The following CCDC88C variants were observed in gnomAD, a reference collection of about 807,000 sequenced individuals.
CCDC88C encodes the protein coiled-coil and HOOK domain protein 88C.
A neutral mutation model predicts 198.8 loss-of-function variants in CCDC88C; 131 were observed. The ratio of observed to expected loss-of-function variants is 0.66; its 90% CI spans 0.57 to 0.76. The LOEUF (loss-of-function observed/expected upper bound fraction) is 0.76, where lower values mean the gene tolerates loss of function less well. Among genes scored for constraint, CCDC88C ranks in the 30% least tolerant of loss-of-function variants. CCDC88C has a pLI of 0.00. For missense variants in CCDC88C, 2,553 were observed against 2,631.6 expected (o/e 0.97, Z 0.65); for synonymous variants, 1,166 against 1,114.7 (o/e 1.05, Z -0.92).
chr14:91,372,387 G>T (rs1470077310), intron 3 of CCDC88C, among the ~76,000 whole-genome samples: 1 of 151,914 alleles, frequency 6.6e-6, no homozygotes, highest in African/African-American at 2.4e-5. Context: ...CACCCTAACA[G>T]AGGGATGGCA....
chr14:91,390,724 C>T (rs1567117241), intron 3 of CCDC88C, among the ~76,000 whole-genome samples: 1 of 152,150 alleles, frequency 6.6e-6, no homozygotes. Context: ...TTCCCAGAGC[C>T]TAAGGGAGTT....
At chr14:91,410,446 A>G (rs950987686) in intron 2 of CCDC88C, among the ~76,000 whole-genome samples, 3 of 151,544 alleles carry the variant, frequency 2.0e-5, no homozygotes, top group Admixed American at 6.6e-5. Flanking sequence ...TTGACAAAGG[A>G]AAAAAAAACC....
At chr14:91,333,735 G>T (rs1180511964) in intron 10 of CCDC88C, among the ~76,000 whole-genome samples, 1 of 152,176 alleles carries the variant, frequency 6.6e-6, no homozygotes, top group Non-Finnish European at 1.5e-5. Flanking sequence ...GATTTCTAGG[G>T]CCTGCCCTTA....
chr14:91,321,860 A>G (rs1049654582), intron 12 of CCDC88C, among the ~76,000 whole-genome samples: 32 of 152,214 alleles, frequency 2.1e-4, no homozygotes, highest in African/African-American at 7.2e-4. Flanking sequence ...AAACTGTGAT[A>G]GTGTATGCAA....
At chr14:91,377,738 G>A (rs1355519524) in intron 3 of CCDC88C, among the ~76,000 whole-genome samples, 1 of 152,244 alleles carries the variant, frequency 6.6e-6, no homozygotes, top group Non-Finnish European at 1.5e-5. Context: ...TTTCTCAGGA[G>A]ACAGGCAGCC....
At chr14:91,280,533 G>C (rs930092498) in intron 27 of CCDC88C, among the ~76,000 whole-genome samples, 1 of 152,186 alleles carries the variant, frequency 6.6e-6, no homozygotes, top group African/African-American at 2.4e-5. Flanking sequence ...CCGTGATAGC[G>C]ATCAACGGCC....
chr14:91,398,039 G>A (rs1339689429), intron 3 of CCDC88C, among the ~76,000 whole-genome samples: 2 of 152,064 alleles, frequency 1.3e-5, no homozygotes, highest in African/African-American at 2.4e-5. Flanking sequence ...TTATAATACC[G>A]AAGTAACAGT....
chr14:91,334,138 A>G (rs529412940), intron 10 of CCDC88C, among the ~76,000 whole-genome samples: 1 of 152,350 alleles, frequency 6.6e-6, no homozygotes, highest in South Asian at 2.1e-4. Context: ...CCATCAATCT[A>G]TCCATCTCTC....
At chr14:91,310,021 T>C in intron 15 of CCDC88C, 35 bp from the exon 16 acceptor site, 1 of 1,538,178 alleles carries the variant, frequency 6.5e-7, no homozygotes, top group Admixed American at 1.9e-5. Flanking sequence ...GGATAGGAGC[T>C]CAGCAAAACA....
intron 3 of CCDC88C, among the ~76,000 whole-genome samples, chr14:91,375,391 G>A (rs1204382185): frequency 1.3e-5 from 2 of 152,064 alleles, no homozygotes; most frequent in Non-Finnish European, 2.9e-5. Context: ...GTGAGGCTCC[G>A]ACCTGAGGAC....
chr14:91,392,660 C>T (rs1462484293), intron 3 of CCDC88C, among the ~76,000 whole-genome samples: 1 of 152,078 alleles, frequency 6.6e-6, no homozygotes, highest in Non-Finnish European at 1.5e-5. Context: ...AGGACCTGGC[C>T]CTTTGGAGTT....
Position 91,381,909 on chromosome 14 carries a change from C to T in CCDC88C, c.271-22198G>A, listed in dbSNP as rs182263003. 1.9e-4 allele frequency among the ~76,000 whole-genome samples: 29 copies of T among 152,292 alleles called. No homozygotes were observed. The highest frequency in any genetic ancestry group is 9.8e-4 in the Admixed American group (15 of 15,294). ...CAGTCCGAGCCCACCTCCCTGCCTCCTTCTTGATGCCTTCCACGGTGTATT... is the reference window on the plus strand; with the variant it reads ...CAGTCCGAGCCCACCTCCCTGCCTCTTTCTTGATGCCTTCCACGGTGTATT... On this transcript the variant is annotated intron_variant, in intron 3 of 29. Coordinates refer to ENST00000389857, the MANE Select transcript of CCDC88C (RefSeq NM_001080414.4). The surrounding 1 kb of genome is among the most constrained non-coding windows in gnomAD (Gnocchi z 4.2).
At chr14:91,413,006 G>C (rs576936657) in intron 2 of CCDC88C, among the ~76,000 whole-genome samples, 3 of 152,240 alleles carry the variant, frequency 2.0e-5, no homozygotes, top group East Asian at 3.9e-4. Flanking sequence ...ATTTCCCCGA[G>C]GATGTTTCTA....
At position 91,401,233 on chromosome 14, in the gene CCDC88C, T is replaced by C. The variant is rs899010863; in HGVS notation, c.270+7426A>G. Among the ~76,000 whole-genome samples, 6 of 111,230 alleles carry C rather than the reference T, an allele frequency of 5.4e-5. No homozygotes were observed. The South Asian group carries it at 7.9e-4, about 15-fold the overall frequency. The allele number at this position is 111,230 out of a possible 152,430, so 73.0% of individuals were successfully genotyped here. ...TCCTAATCCATAGTAAGAATATATA[T>C]ATTTATATATTATATATTATATAAT... On this transcript the variant is annotated intron_variant, in intron 3 of 29. Transcript: ENST00000389857.
chr14:91,417,436 G>C (rs1237412525), intron 1 of CCDC88C, 195 bp downstream of exon 1: 4 of 573,742 alleles, frequency 7.0e-6, no homozygotes, highest in Non-Finnish European at 1.2e-5. Flanking sequence ...GACGCACAAC[G>C]GGGGCGCCGG....
Position 91,417,769 on chromosome 14 carries a change from C to CGGCACAAA in CCDC88C, c.-80_-79insTTTGTGCC. ...CGCGCCGCGGCACAAAACGGCTCCG[C>CGGCACAAA]AGCGAGCAGCGGGCGCGGGGCTGCG... On this transcript the variant is annotated 5_prime_UTR_variant, in exon 1 of 30. Coordinates refer to ENST00000389857, the MANE Select transcript of CCDC88C (RefSeq NM_001080414.4). 1 of 1,079,792 alleles carries CGGCACAAA rather than the reference C, an allele frequency of 9.3e-7. No individual in the cohort carries two copies. Among genetic ancestry groups the CGGCACAAA allele is most frequent in the Non-Finnish European group, 1.2e-6 (1 of 845,572 alleles). 66.9% of individuals were successfully genotyped at this position (1,079,792 alleles called of 1,614,324 possible).
chr14:91,332,003 C>G (rs1337441809), intron 10 of CCDC88C, among the ~76,000 whole-genome samples: 2 of 151,748 alleles, frequency 1.3e-5, no homozygotes, highest in Non-Finnish European at 2.9e-5. Context: ...GGTGCAGACT[C>G]TGCCCAGCTA....
At chr14:91,290,132 C>T (rs1350008421) in intron 24 of CCDC88C, among the ~76,000 whole-genome samples, 2 of 152,088 alleles carry the variant, frequency 1.3e-5, no homozygotes. Context: ...ATTAGCTGGG[C>T]GTGGTGGCAC....
Position 91,338,457 on chromosome 14 carries a change from C to G in CCDC88C, c.891+32G>C, listed in dbSNP as rs758454160. 7.2e-6 allele frequency: 11 copies of G among 1,538,008 alleles called. No individual in the cohort carries two copies. The South Asian group carries it at 8.3e-5, about 12-fold the overall frequency. ...ACTGGACACTCCAGCCCTGCTACCCCCAGGACACACAGGCTCAGGCCCCCG... is the reference window on the plus strand; with the variant it reads ...ACTGGACACTCCAGCCCTGCTACCCGCAGGACACACAGGCTCAGGCCCCCG... On this transcript the variant is annotated intron_variant, in intron 9 of 29. Transcript: ENST00000389857. The surrounding 1 kb of genome is among the most constrained non-coding windows in gnomAD (Gnocchi z 4.8).
Sources: allele counts gnomAD v4.1 joint callset (sites outside exome capture counted in the v4.1 genomes callset), GRCh38; gene constraint gnomAD v4.1.1; non-coding constraint Gnocchi (gnomAD v3.1); transcripts MANE v1.5; gene names NCBI Gene and HGNC (gene_info 2026-07-23, HGNC 2026-07-21).